The following XKR9 variants were observed in gnomAD, a reference collection of about 807,000 sequenced individuals.
XKR9 encodes XK related 9.
In XKR9, 32 loss-of-function variants were observed where a neutral mutation model predicts 32.0. The observed-to-expected ratio is 1.00, with a 90% CI of 0.76 to 1.34. XKR9 has a LOEUF of 1.34. XKR9 is among the 40% of genes most tolerant of loss of function. The probability of loss-of-function intolerance (pLI) is 0.00; values close to 1 mark genes in which losing one functional copy is unlikely to be tolerated. For synonymous variants in XKR9, 168 were observed against 143.4 expected, an observed-to-expected ratio of 1.17 and a Z score of -1.22; for missense variants, 546 against 429.7, an observed-to-expected ratio of 1.27 and a Z score of -2.39.
chr8:70,820,181 C>T, the XKR9 span, among the ~76,000 whole-genome samples: 1 of 152,160 alleles, frequency 6.6e-6, no homozygotes, highest in South Asian at 2.1e-4. Context: ...ACATCCTTAC[C>T]TCTAAGGATA....
chr8:70,930,321 G>C, the XKR9 span, among the ~76,000 whole-genome samples: 3 of 152,100 alleles, frequency 2.0e-5, no homozygotes, highest in Admixed American at 1.3e-4. Context: ...GAGTAGGAAG[G>C]AGAACCTTGT....
At chr8:71,038,324 GTTT>G in the XKR9 span, among the ~76,000 whole-genome samples, 2 of 78,166 alleles carry the variant, frequency 2.6e-5, no homozygotes, top group Non-Finnish European at 5.7e-5. Flanking sequence ...TTTCCTCTTT[GTTT>G]TTTTTTTTTT....
rs1467978836 is a variant in XKR9 at position 70,671,761 on chromosome 8, C to G, written c.-361+2223C>G. ...TTGGACATTTGGGTTGGTTCCAAGTCTTTGCTATTGTGAATAGTGCCGCAA... is the reference window on the plus strand; with the variant it reads ...TTGGACATTTGGGTTGGTTCCAAGTGTTTGCTATTGTGAATAGTGCCGCAA... On this transcript the variant is annotated intron_variant, in intron 1 of 4. Transcript: ENST00000408926. Among the ~76,000 whole-genome samples the G allele has an allele frequency of 2.7e-5, 3 of 109,704 alleles. No individual in the cohort carries two copies. The East Asian group carries it at 6.0e-4, about 22-fold the overall frequency. 72.0% of individuals were successfully genotyped at this position (109,704 alleles called of 152,430 possible). A position where few individuals can be genotyped will look rare whatever the true frequency, so the allele number is the denominator to read the frequency against.
the XKR9 span, among the ~76,000 whole-genome samples, chr8:70,845,768 AAAT>A: frequency 6.6e-6 from 1 of 152,098 alleles, no homozygotes; most frequent in Non-Finnish European, 1.5e-5. Context: ...AACAAAGAAA[AAAT>A]AATAAAAAAA....
At chr8:70,952,498 A>T in the XKR9 span, among the ~76,000 whole-genome samples, 2 of 152,138 alleles carry the variant, frequency 1.3e-5, no homozygotes, top group Admixed American at 6.5e-5. Flanking sequence ...GATAGCATGA[A>T]TTCGTTTGTC....
chr8:70,791,490 C>T (rs1001769894), downstream of XKR9, among the ~76,000 whole-genome samples: 1 of 151,936 alleles, frequency 6.6e-6, no homozygotes, highest in African/African-American at 2.4e-5. Flanking sequence ...GTGATTAGGC[C>T]ACGAGGGCTT....
the XKR9 span, among the ~76,000 whole-genome samples, chr8:70,982,379 G>C: frequency 6.6e-6 from 1 of 152,168 alleles, no homozygotes; most frequent in East Asian, 1.9e-4. Context: ...GTGGGGGATA[G>C]CAGTGTGGTT....
intron 2 of XKR9, among the ~76,000 whole-genome samples, chr8:70,756,753 CTACTT>C (rs1807231892): frequency 6.6e-6 from 1 of 152,100 alleles, no homozygotes; most frequent in African/African-American, 2.4e-5. Context: ...AGTTTTTGGG[CTACTT>C]TAAGATTTCT....
chr8:71,034,779 C>T, the XKR9 span, among the ~76,000 whole-genome samples: 1 of 152,128 alleles, frequency 6.6e-6, no homozygotes, highest in Non-Finnish European at 1.5e-5. Flanking sequence ...AAACCATTCC[C>T]ACTAGATTCC....
chr8:71,036,910 T>C, the XKR9 span, among the ~76,000 whole-genome samples: 1 of 147,636 alleles, frequency 6.8e-6, no homozygotes, highest in Non-Finnish European at 1.5e-5. Flanking sequence ...GGTCTTACCA[T>C]GTTGCCCAGG....
chr8:70,685,373 A>T (rs953067639), intron 3 of XKR9, among the ~76,000 whole-genome samples: 16 of 141,214 alleles, frequency 1.1e-4, no homozygotes, highest in Admixed American at 5.7e-4. Context: ...GAGGGATAGC[A>T]TTAGGAGATA....
At chr8:70,726,921 A>G (rs562644440) in intron 4 of XKR9, among the ~76,000 whole-genome samples, 1 of 152,250 alleles carries the variant, frequency 6.6e-6, no homozygotes, top group Non-Finnish European at 1.5e-5. Flanking sequence ...GAGAGTTTTG[A>G]TGGGAAATCA....
At chr8:71,064,229 T>A in the XKR9 span, among the ~76,000 whole-genome samples, 1 of 152,186 alleles carries the variant, frequency 6.6e-6, no homozygotes, top group Non-Finnish European at 1.5e-5. Context: ...AAATCACAGA[T>A]CTATAACATT....
chr8:70,687,312 CTCTT>C (rs57039682), intron 3 of XKR9, among the ~76,000 whole-genome samples: 5,963 of 138,254 alleles, frequency 0.043, 158 homozygotes, highest in South Asian at 0.057. Context: ...TCTCTCCTCC[CTCTT>C]TCTTTCTTTC....
the XKR9 span, among the ~76,000 whole-genome samples, chr8:70,804,687 T>A: frequency 6.6e-6 from 1 of 152,224 alleles, no homozygotes; most frequent in Non-Finnish European, 1.5e-5. Flanking sequence ...AGTTTTTGTG[T>A]AGTTTTAAAT....
the XKR9 span, among the ~76,000 whole-genome samples, chr8:71,013,302 G>A: frequency 6.6e-6 from 1 of 152,118 alleles, no homozygotes. Context: ...ATGAATGGCT[G>A]GTGAAGAGTA....
chr8:70,884,162 T>C, the XKR9 span, among the ~76,000 whole-genome samples: 3 of 152,188 alleles, frequency 2.0e-5, no homozygotes, highest in Non-Finnish European at 4.4e-5. Context: ...TCTCATATGC[T>C]TGTTCATAAT....
chr8:70,982,613 G>A, the XKR9 span, among the ~76,000 whole-genome samples: 1 of 152,140 alleles, frequency 6.6e-6, no homozygotes, highest in African/African-American at 2.4e-5. Flanking sequence ...CAGACCATGA[G>A]CCTCCTCGTT....
the XKR9 span, among the ~76,000 whole-genome samples, chr8:71,010,965 G>A: frequency 6.6e-6 from 1 of 152,104 alleles, no homozygotes; most frequent in East Asian, 1.9e-4. Flanking sequence ...TAGATAGATG[G>A]CGTGATTAAA....
Sources: gnomAD v4.1 joint callset for allele counts (sites outside exome capture counted in the v4.1 genomes callset) on GRCh38, gnomAD v4.1.1 for gene constraint, MANE v1.5 for transcripts, NCBI Gene and HGNC (gene_info 2026-07-23, HGNC 2026-07-21) for gene names.